IDE: variants seen among roughly 807,000 people sequenced by gnomAD.
The protein encoded by IDE is insulin degrading enzyme, also known as insulin-degrading enzyme.
In IDE, 58 loss-of-function variants were observed where a neutral mutation model predicts 133.2. The observed-to-expected ratio is 0.44, with a 90% CI of 0.35 to 0.54. The LOEUF (loss-of-function observed/expected upper bound fraction) is 0.54, where lower values mean the gene tolerates loss of function less well. Ranked by LOEUF, IDE falls within the 20% of genes least tolerant of loss-of-function variation. The pLI is 0.00. For synonymous variants in IDE, 396 were observed against 421.3 expected, an observed-to-expected ratio of 0.94 and a Z score of 0.73; for missense variants, 981 against 1,234.0, an observed-to-expected ratio of 0.79 and a Z score of 3.07.
At chr10:92,488,105 A>G (rs1345976181) in intron 12 of IDE, among the ~76,000 whole-genome samples, 1 of 149,518 alleles carries the variant, frequency 6.7e-6, no homozygotes, top group Non-Finnish European at 1.5e-5. Context: ...TCACTTCAGT[A>G]CTTCTTTTTT....
chr10:92,559,073 A>G (rs1389438550), intron 1 of IDE: 1 of 152,194 alleles, frequency 6.6e-6, no homozygotes, highest in African/African-American at 2.4e-5. Flanking sequence ...CCAATGAGAC[A>G]CCACTTCATA....
Position 92,510,145 on chromosome 10 carries a change from T to C in IDE, c.802A>G (p.Thr268Ala). The C allele has an allele frequency of 6.4e-7, 1 of 1,562,720 alleles. No individual in the cohort carries two copies. The highest frequency in any genetic ancestry group is 8.8e-7 in the Non-Finnish European group (1 of 1,137,274). The stretch of plus-strand genomic sequence containing the variant: ...GAAAATAACTTTACCACCAGATTAG[T>C]CAAGTCATCTAAAGATTCTACAAGA... ...VLGRESLDDL[T>A]NLVVKLFSEV... is the part of the protein sequence containing the mutation. Residue 268 changes from threonine (T) to alanine (A), a missense_variant, in exon 6 of 25, where the codon ACT (threonine) becomes GCT (alanine). Transcript: ENST00000265986.
chr10:92,455,177 A>G (rs545995995), intron 24 of IDE, among the ~76,000 whole-genome samples: 19 of 152,240 alleles, frequency 1.2e-4, no homozygotes, highest in Non-Finnish European at 2.6e-4. Flanking sequence ...TTAGTTCCCA[A>G]TGAACAAGTT....
At chr10:92,504,049 CTA>C (rs1848169030) in intron 11 of IDE, among the ~76,000 whole-genome samples, 2 of 151,442 alleles carry the variant, frequency 1.3e-5, no homozygotes, top group African/African-American at 4.9e-5. Context: ...ACAAAAAGTT[CTA>C]TCACATTGTT....
chr10:92,452,629 A>G lies in IDE; in HGVS notation c.*1815T>C, dbSNP rs1320952867. The G allele has an allele frequency of 6.6e-6, 1 of 152,134 alleles. No individual in the cohort carries two copies. Among genetic ancestry groups the G allele is most frequent in the South Asian group, 2.1e-4 (1 of 4,832 alleles). 9.4% of individuals were successfully genotyped at this position (152,134 alleles called of 1,614,324 possible). On this transcript the variant is annotated 3_prime_UTR_variant, in exon 25 of 25. Coordinates refer to ENST00000265986, the MANE Select transcript of IDE (RefSeq NM_004969.4). ...CATGTGTCATTCTCATAAAAAAGAC[A>G]CTTAAATTTCACCCATTTTTTAAAA...
At chr10:92,533,205 C>T (rs1026588189) in intron 3 of IDE, among the ~76,000 whole-genome samples, 2 of 152,082 alleles carry the variant, frequency 1.3e-5, no homozygotes, top group South Asian at 4.1e-4. Flanking sequence ...AACAGACATC[C>T]CCCATCATAC....
At chr10:92,510,866 T>G (rs1450933359) in intron 5 of IDE, among the ~76,000 whole-genome samples, 2 of 150,970 alleles carry the variant, frequency 1.3e-5, no homozygotes, top group South Asian at 4.1e-4. Context: ...ATCACATATA[T>G]ATCACATACA....
At chr10:92,509,921 CAAAAAAAAA>C (rs11324773) in intron 6 of IDE, 120 bp downstream of exon 6, 1 of 320,498 alleles carries the variant, frequency 3.1e-6, no homozygotes, top group Non-Finnish European at 5.3e-6. Flanking sequence ...ACTCTGTTTC[CAAAAAAAAA>C]AAAAAAAAAC....
At chr10:92,466,523 G>C (rs947846967) in intron 19 of IDE, among the ~76,000 whole-genome samples, 1 of 152,094 alleles carries the variant, frequency 6.6e-6, no homozygotes, top group East Asian at 1.9e-4. Flanking sequence ...TGCCATGTTG[G>C]CCACGCTGGT....
rs770324014 is a variant in IDE at position 92,474,974 on chromosome 10, AC to A, written c.1996-14del. On this transcript the variant is annotated splice_polypyrimidine_tract_variant and intron_variant, in intron 16 of 24. Coordinates refer to ENST00000265986, the MANE Select transcript of IDE (RefSeq NM_004969.4). ...GAGATCGCATATACTAGTGAAAGAG[AC>A]ATGCGTTCATTAATTTTATAAATCT... The A allele has an allele frequency of 1.1e-5, 17 of 1,579,360 alleles. 1 individual carries two copies. In the South Asian group the frequency reaches 2.0e-4, roughly 18 times the overall value.
At chr10:92,513,960 G>A (rs1471424148) in intron 5 of IDE, among the ~76,000 whole-genome samples, 1 of 152,070 alleles carries the variant, frequency 6.6e-6, no homozygotes, top group Non-Finnish European at 1.5e-5. Context: ...ATGGAAAGTA[G>A]AATAGGAAAT....
At position 92,475,928 on chromosome 10, in the gene IDE, T is replaced by A. The variant is rs1412926577; in HGVS notation, c.1951A>T (p.Thr651Ser). 3.9e-6 allele frequency: 6 copies of A among 1,543,848 alleles called. No individual in the cohort carries two copies. Among genetic ancestry groups the A allele is most frequent in the Non-Finnish European group, 5.3e-6 (6 of 1,128,248 alleles). Residue 651 changes from threonine (T) to serine (S), a missense_variant, in exon 16 of 25, where the codon ACC (threonine) becomes TCC (serine). Around this residue, in one of 2 missense-constraint regions of IDE, gnomAD observed 660 missense variants for 894.7 expected, o/e 0.74. Coordinates refer to ENST00000265986, the MANE Select transcript of IDE (RefSeq NM_004969.4). The part of the protein sequence containing the change: ...LLKKIIEKMA[T>S]FEIDEKRFEI... ...AATCTTTTTTCATCAATCTCAAAGGTAGCCATTTTCTCAATAATCTTCTTT... is the reference window on the plus strand; with the variant it reads ...AATCTTTTTTCATCAATCTCAAAGGAAGCCATTTTCTCAATAATCTTCTTT...
chr10:92,481,558 A>T (rs2135417956), intron 14 of IDE, among the ~76,000 whole-genome samples: 2 of 152,366 alleles, frequency 1.3e-5, no homozygotes, highest in Admixed American at 1.3e-4. Flanking sequence ...TCATGTGTTA[A>T]TTTTAAAAAT....
chr10:92,559,619 AAT>A, intron 1 of IDE, among the ~76,000 whole-genome samples: 1 of 152,210 alleles, frequency 6.6e-6, no homozygotes, highest in East Asian at 1.9e-4. Flanking sequence ...GGAAGAGTGG[AAT>A]AGAGTGTAAC....
At chr10:92,561,466 T>C (rs1246354934) in intron 1 of IDE, among the ~76,000 whole-genome samples, 2 of 149,758 alleles carry the variant, frequency 1.3e-5, no homozygotes, top group Non-Finnish European at 3.0e-5. Flanking sequence ...AATAAGATGA[T>C]GTAAGCTGGG....
chr10:92,506,684 T>C (rs960939450), intron 9 of IDE, among the ~76,000 whole-genome samples, 162 bp from the exon 10 acceptor site: 2 of 152,110 alleles, frequency 1.3e-5, no homozygotes, highest in Non-Finnish European at 2.9e-5. Flanking sequence ...ATGTATAGAA[T>C]ATTTTAAAAA....
At chr10:92,498,710 C>G (rs1236966900) in intron 11 of IDE, among the ~76,000 whole-genome samples, 1 of 152,042 alleles carries the variant, frequency 6.6e-6, no homozygotes, top group Non-Finnish European at 1.5e-5. Flanking sequence ...GAGCCAAGAT[C>G]GTGCCATTGC....
intron 18 of IDE, among the ~76,000 whole-genome samples, chr10:92,469,950 G>A (rs935900102): frequency 2.0e-5 from 3 of 152,062 alleles, no homozygotes; most frequent in African/African-American, 4.8e-5. Context: ...TCTACAGCAC[G>A]TGCTCTTATC....
intron 11 of IDE, among the ~76,000 whole-genome samples, chr10:92,502,543 A>C (rs546302757): frequency 6.6e-6 from 1 of 152,298 alleles, no homozygotes; most frequent in South Asian, 2.1e-4. Flanking sequence ...TTTGAAGGGG[A>C]AAGTAGATTC....
Sources: allele counts gnomAD v4.1 joint callset (sites outside exome capture counted in the v4.1 genomes callset), GRCh38; gene constraint gnomAD v4.1.1; regional missense constraint gnomAD v4.1.1; transcripts MANE v1.5; gene names NCBI Gene and HGNC (gene_info 2026-07-23, HGNC 2026-07-21).